CUL2: variants seen among roughly 807,000 people sequenced by gnomAD.
CUL2 encodes the protein cullin 2.
Under a neutral mutation model 110.2 loss-of-function variants are expected in CUL2, and 22 were observed. The observed-to-expected ratio is 0.20, with a 90% CI of 0.14 to 0.28. The LOEUF (loss-of-function observed/expected upper bound fraction) is 0.28. Ranked by LOEUF, CUL2 falls within the 10% of genes least tolerant of loss-of-function variation. The pLI, the probability that CUL2 is intolerant of heterozygous loss-of-function variation, is 1.00. For missense variants in CUL2, 631 were observed against 905.5 expected (o/e 0.70, Z 3.89); for synonymous variants, 279 against 293.2 (o/e 0.95, Z 0.49).
Position 35,067,449 on chromosome 10 carries a change from A to G in CUL2, c.119+3750T>C, listed in dbSNP as rs767560345. ...TCTTTCTATTTATACAAAGTCCAAA[A>G]ATCAAAGAATTCACCATTGGCCGGT... On this transcript the variant is annotated intron_variant, in intron 2 of 20. Transcript: ENST00000374749. Among the ~76,000 whole-genome samples the G allele has an allele frequency of 2.0e-5, 3 of 152,246 alleles. No homozygotes were observed. The South Asian group carries it at 6.2e-4, about 32-fold the overall frequency.
At chr10:35,066,429 C>T (rs1287046461) in intron 2 of CUL2, among the ~76,000 whole-genome samples, 3 of 152,050 alleles carry the variant, frequency 2.0e-5, no homozygotes, top group African/African-American at 7.2e-5. Context: ...TCCTGAGTAG[C>T]TGGGATTACA....
upstream of CUL2, chr10:35,090,479 G>C (rs532263490): frequency 6.6e-6 from 1 of 152,194 alleles, no homozygotes; most frequent in African/African-American, 2.4e-5. Flanking sequence ...GCCGCTCCCC[G>C]GCGGGACAGG....
chr10:35,030,722 G>A (rs996713138), intron 14 of CUL2, among the ~76,000 whole-genome samples: 1 of 152,022 alleles, frequency 6.6e-6, no homozygotes, highest in African/African-American at 2.4e-5. Flanking sequence ...TTTCTTTTTG[G>A]AGGTTTAAAA....
intron 15 of CUL2, 65 bp downstream of exon 15, chr10:35,029,423 T>G: frequency 8.9e-7 from 1 of 1,121,520 alleles, no homozygotes; most frequent in Non-Finnish European, 1.2e-6. Context: ...CATCCATTTA[T>G]GAATCATTTG....
At chr10:35,091,064 T>TA (rs1424748755), upstream of CUL2, among the ~76,000 whole-genome samples, 1 of 152,218 alleles carries the variant, frequency 6.6e-6, no homozygotes, top group Non-Finnish European at 1.5e-5. Flanking sequence ...TCTTTTTCAC[T>TA]AATACCCCAC....
At chr10:35,096,140 C>G (rs1286447921) in intron 2 of CUL2, among the ~76,000 whole-genome samples, 1 of 151,940 alleles carries the variant, frequency 6.6e-6, no homozygotes, top group Non-Finnish European at 1.5e-5. Context: ...CCCAGCTACT[C>G]AGGAGGCTGA....
chr10:35,124,558 G>A (rs530112455), intron 1 of CUL2, among the ~76,000 whole-genome samples: 18 of 152,306 alleles, frequency 1.2e-4, no homozygotes, highest in African/African-American at 4.3e-4. Context: ...GTGAGGGGAT[G>A]GCAAGGGATG....
intron 2 of CUL2, among the ~76,000 whole-genome samples, chr10:35,096,381 G>A (rs1255500990): frequency 2.6e-5 from 4 of 152,140 alleles, no homozygotes; most frequent in Admixed American, 2.6e-4. Flanking sequence ...GGGATAGAAG[G>A]GTTACTTGAG....
At chr10:35,035,582 C>T (rs1431990389) in intron 9 of CUL2, among the ~76,000 whole-genome samples, 1 of 152,148 alleles carries the variant, frequency 6.6e-6, no homozygotes, top group African/African-American at 2.4e-5. Flanking sequence ...TTATTTGTAG[C>T]TTCAGAACAC....
chr10:35,064,587 T>A lies in CUL2; in HGVS notation c.120-1525A>T, dbSNP rs1589023512. ...TGCAAAATCAATCTCACATGCTCCA[T>A]TTACCTAGCATCCTTACTCCAGAAA... On this transcript the variant is annotated intron_variant, in intron 2 of 20. Transcript: ENST00000374749. Among the ~76,000 whole-genome samples, 4 of 152,352 alleles carry A rather than the reference T, an allele frequency of 2.6e-5. No individual in the cohort carries two copies. The East Asian group carries it at 7.7e-4, about 29-fold the overall frequency.
chr10:35,055,374 C>T lies in CUL2; in HGVS notation c.318-835G>A, dbSNP rs140636399. On this transcript the variant is annotated intron_variant, in intron 4 of 20. Transcript: ENST00000374749. ...ACACCAAAATGAAGGGTCCACTCAG[C>T]ATTTACAGACAAATTAAAAACGAAG... Among the ~76,000 whole-genome samples the T allele has an allele frequency of 5.0e-3, 768 of 152,318 alleles. 49 individuals carry two copies. In the South Asian group the frequency reaches 0.13, roughly 27 times the overall value.
In CUL2 at chr10:35,113,636, G is replaced by A. The variant is rs539645784; in HGVS notation, c.-50-12576C>T. On this transcript the variant is annotated intron_variant, in intron 1 of 5. Coordinates refer to the CUL2 transcript ENST00000685421. ...AACAAAATATAATTCATAATCAGGA[G>A]AAAAATAGAAAAATCAATCAATAGG... Among the ~76,000 whole-genome samples the A allele has an allele frequency of 2.7e-5, 4 of 150,032 alleles. No homozygotes were observed. The East Asian group carries it at 7.8e-4, about 29-fold the overall frequency.
chr10:35,091,971 G>T (rs918869597), upstream of CUL2, among the ~76,000 whole-genome samples: 7 of 152,136 alleles, frequency 4.6e-5, no homozygotes, highest in East Asian at 3.9e-4. Flanking sequence ...TTGACACAGG[G>T]TCTCCCTCTG....
chr10:35,106,297 G>GTT (rs1344496209), intron 1 of CUL2, among the ~76,000 whole-genome samples: 4 of 146,852 alleles, frequency 2.7e-5, no homozygotes, highest in African/African-American at 7.9e-5. Flanking sequence ...AAATAAATGT[G>GTT]TTTTTTGTTT....
At chr10:35,082,336 T>C (rs1367915158) in intron 1 of CUL2, among the ~76,000 whole-genome samples, 1 of 152,116 alleles carries the variant, frequency 6.6e-6, no homozygotes, top group Non-Finnish European at 1.5e-5. Context: ...AACAAAAGTA[T>C]GTATGTGGGC....
At chr10:35,125,249 A>C (rs2087739229) in intron 1 of CUL2, among the ~76,000 whole-genome samples, 1 of 152,238 alleles carries the variant, frequency 6.6e-6, no homozygotes, top group African/African-American at 2.4e-5. Context: ...AAGTATGTGT[A>C]TCTCACCTCC....
chr10:35,048,661 C>G (rs935151240), intron 6 of CUL2, among the ~76,000 whole-genome samples: 2 of 152,134 alleles, frequency 1.3e-5, no homozygotes, highest in Non-Finnish European at 2.9e-5. Flanking sequence ...CGGGTTACAC[C>G]CTACTGCTTC....
intron 8 of CUL2, among the ~76,000 whole-genome samples, chr10:35,043,007 G>T (rs576962524): frequency 1.2e-4 from 18 of 152,154 alleles, no homozygotes; most frequent in Admixed American, 1.0e-3. Flanking sequence ...CTGCTGCTTG[G>T]TGTGTGGGAG....
At chr10:35,035,435 A>G (rs2085598086) in intron 9 of CUL2, 139 bp from the exon 10 acceptor site, 3 of 729,262 alleles carry the variant, frequency 4.1e-6, no homozygotes, top group Admixed American at 5.4e-5. Flanking sequence ...CCCACCTCCC[A>G]GCCACCCAAG....
Sources: allele counts gnomAD v4.1 joint callset (sites outside exome capture counted in the v4.1 genomes callset), GRCh38; gene constraint gnomAD v4.1.1; transcripts MANE v1.5; gene names NCBI Gene and HGNC (gene_info 2026-07-23, HGNC 2026-07-21).